Variants in DIDO1 observed in about 807,000 individuals in gnomAD.
DIDO1 encodes death inducer-obliterator 1.
In DIDO1, 16 loss-of-function variants were observed where a neutral mutation model predicts 99.4. The observed-to-expected ratio is 0.16, with a 90% CI of 0.11 to 0.24. DIDO1 has a LOEUF of 0.24. Ranked by LOEUF, DIDO1 falls within the 10% of genes least tolerant of loss-of-function variation. The probability of loss-of-function intolerance (pLI) is 1.00; values close to 1 mark genes in which losing one functional copy is unlikely to be tolerated. For synonymous variants in DIDO1, 1,366 were observed against 1,239.1 expected, an observed-to-expected ratio of 1.10 and a Z score of -2.15; for missense variants, 2,996 against 3,014.0, an observed-to-expected ratio of 0.99 and a Z score of 0.14.
chr20:62,905,316 G>A (rs2147469383), intron 6 of DIDO1: 4 of 1,422,030 alleles, frequency 2.8e-6, no homozygotes, highest in Non-Finnish European at 3.7e-6. Context: ...TCATGTGGGT[G>A]TGTAGCGTGT....
Position 62,880,623 on chromosome 20 carries a change from G to T in DIDO1, c.5333C>A (p.Ala1778Asp). 6.2e-7 allele frequency: 1 copy of T among 1,612,916 alleles called. No homozygotes were observed. Among genetic ancestry groups the T allele is most frequent in the South Asian group, 1.1e-5 (1 of 91,086 alleles). The change falls in exon 16 of 16, where the codon GCC (alanine) becomes GAC (aspartate). Residue 1778 changes from alanine to aspartate, a missense_variant. By Grantham distance (126) the Ala-to-Asp change is moderately radical. Around this residue, in one of 5 missense-constraint regions of DIDO1, gnomAD observed 1,562 missense variants for 1,412.6 expected, o/e 1.11. Coordinates refer to ENST00000395343, the MANE Select transcript of DIDO1 (RefSeq NM_001193369.2). ...GPNFPGPRGPAPPFPEENIAS... is the reference protein window; with the variant it reads ...GPNFPGPRGPDPPFPEENIAS... ...GATATTCTCTTCTGGAAACGGAGGGGCTGGCCCCCTTGGTCCCGGGAAATT... is the reference window on the plus strand; with the variant it reads ...GATATTCTCTTCTGGAAACGGAGGGTCTGGCCCCCTTGGTCCCGGGAAATT...
chr20:62,890,979 G>A lies in DIDO1; in HGVS notation c.3522C>T (p.Leu1174=), dbSNP rs202093729. The change falls in exon 15 of 16, where the codon CTC becomes CTT. Residue 1174 remains leucine, a synonymous_variant. Coordinates refer to ENST00000395343, the MANE Select transcript of DIDO1 (RefSeq NM_001193369.2). ...GCTTACCTGGTCCCTCAAAGGGCAA[G>A]AGTTTGGATGGAACAGGGTCCTGGG... ...LSAQDPVPSK[L]LPFEGPGLES... 8 of 1,614,148 alleles carry A rather than the reference G, an allele frequency of 5.0e-6. No individual in the cohort carries two copies. In the East Asian group the frequency reaches 1.8e-4, roughly 36 times the overall value.
At position 62,880,656 on chromosome 20, in the gene DIDO1, T is replaced by C. The variant is rs538368393; in HGVS notation, c.5300A>G (p.His1767Arg). 4.3e-6 allele frequency: 7 copies of C among 1,612,834 alleles called. No individual in the cohort carries two copies. Among genetic ancestry groups the C allele is most frequent in the Admixed American group, 1.7e-5 (1 of 60,030 alleles). The stretch of plus-strand genomic sequence containing the variant: ...CCTTGGTCCCGGGAAATTGGGGCCG[T>C]GAAGCCCTGACATCCCCAAAGCATG... ...GPHALGMSGL[H>R]GPNFPGPRGP... The change falls in exon 16 of 16, where the codon CAC becomes CGC. Residue 1767 changes from histidine (H) to arginine (R), a missense_variant. By Grantham distance (29) the His-to-Arg change is conservative. This residue lies in a region of DIDO1 where 1,562 missense variants were observed against 1,412.6 expected (regional missense o/e 1.11). Transcript: ENST00000395343.
At chr20:62,888,595 G>A (rs936759725) in intron 15 of DIDO1, 3 of 985,444 alleles carry the variant, frequency 3.0e-6, no homozygotes, top group Non-Finnish European at 3.6e-6. Context: ...GGGCTTCTGG[G>A]CTATCTCCGT....
chr20:62,889,554 G>C, intron 15 of DIDO1: 4 of 985,376 alleles, frequency 4.1e-6, no homozygotes, highest in Non-Finnish European at 4.8e-6. Context: ...TGTCTGCACT[G>C]AGTGCACACA....
At chr20:62,919,628 ATTG>A (rs2065099719) in intron 1 of DIDO1, among the ~76,000 whole-genome samples, 1 of 152,170 alleles carries the variant, frequency 6.6e-6, no homozygotes, top group African/African-American at 2.4e-5. Flanking sequence ...GAAACAACCT[ATTG>A]TTGTTTTACA....
chr20:62,898,135 A>G (rs2064579165), intron 6 of DIDO1, among the ~76,000 whole-genome samples: 1 of 152,170 alleles, frequency 6.6e-6, no homozygotes, highest in South Asian at 2.1e-4. Context: ...GGGACTGAAA[A>G]TCAAACCGCA....
intron 6 of DIDO1, chr20:62,905,060 T>A: frequency 1.0e-6 from 1 of 990,596 alleles, no homozygotes; most frequent in Non-Finnish European, 1.2e-6. Flanking sequence ...ACATTAAAAT[T>A]GCACCACAGA....
chr20:62,903,952 G>A (rs6122330), intron 6 of DIDO1, among the ~76,000 whole-genome samples: 1 of 152,174 alleles, frequency 6.6e-6, no homozygotes, highest in African/African-American at 2.4e-5. Context: ...GAGGCAGGCA[G>A]GAAGCAATAA....
chr20:62,911,617 A>G lies in DIDO1; in HGVS notation c.-2-3T>C, dbSNP rs367914567. ...CGGGTCGCCTTTGTCGTCCATACCT[A>G]GCGGTAAAGTGTAAGCACATAGTGA... On this transcript the variant is annotated splice_polypyrimidine_tract_variant and splice_region_variant and intron_variant, in intron 2 of 15. Transcript: ENST00000395343. The surrounding 1 kb of genome is among the most constrained non-coding windows in gnomAD (Gnocchi z 7.0). The G allele has an allele frequency of 1.5e-5, 23 of 1,556,340 alleles. No homozygotes were observed. Among genetic ancestry groups the G allele is most frequent in the Non-Finnish European group, 1.9e-5 (22 of 1,149,660 alleles).
At chr20:62,913,751 G>A (rs892978562) in intron 2 of DIDO1, among the ~76,000 whole-genome samples, 4 of 152,198 alleles carry the variant, frequency 2.6e-5, no homozygotes, top group East Asian at 3.8e-4. Flanking sequence ...GCCTCTGGGG[G>A]CCTATGAAGC....
intron 5 of DIDO1, 120 bp downstream of exon 5, chr20:62,907,027 A>G: frequency 1.0e-6 from 1 of 989,662 alleles, no homozygotes; most frequent in Non-Finnish European, 1.5e-6. Flanking sequence ...TCAAGGCGAC[A>G]CCACGTGTGC....
rs2064157605 is a variant in DIDO1 at position 62,879,439 on chromosome 20, G to A, written c.6517C>T (p.Arg2173Trp). 6 of 1,549,606 alleles carry A rather than the reference G, an allele frequency of 3.9e-6. No homozygotes were observed. Among genetic ancestry groups the A allele is most frequent in the Non-Finnish European group, 4.3e-6 (5 of 1,153,238 alleles). ...ADRGKEWDRS[R>W]ERSRNRERER... ...CGCTCTCGGTTCCTGCTCCGCTCCC[G>A]GCTGCGGTCCCACTCCTTGCCCCGG... Residue 2173 changes from arginine (R) to tryptophan (W), a missense_variant, in exon 16 of 16, where the codon CGG becomes TGG. Physicochemically the swap from Arg to Trp is moderately radical, Grantham distance 101 (BLOSUM62 -3). Transcript: ENST00000395343. The surrounding 1 kb of genome is among the most constrained non-coding windows in gnomAD (Gnocchi z 6.3).
chr20:62,903,010 T>C (rs956046786), intron 6 of DIDO1, among the ~76,000 whole-genome samples: 5 of 152,106 alleles, frequency 3.3e-5, no homozygotes, highest in Non-Finnish European at 7.3e-5. Context: ...ACTGACTTCA[T>C]GCCTCGACAA....
Position 62,881,607 on chromosome 20 carries a change from G to A in DIDO1, c.4349C>T (p.Ala1450Val). Residue 1450 changes from alanine to valine, a missense_variant, in exon 16 of 16, where the codon GCC becomes GTC. Transcript: ENST00000395343. This position sits in a 1 kb window ranked among gnomAD's most constrained non-coding sequence, Gnocchi z 8.3. ...CTCCACGGAGTTCCTTCTCACGTCG[G>A]CACACATCCTGTTGGGCAGGTCATC... ...TVDDLPNRMCADVRRNSVERP... is the reference protein window; with the variant it reads ...TVDDLPNRMCVDVRRNSVERP... 1 of 1,612,246 alleles carries A rather than the reference G, an allele frequency of 6.2e-7. No homozygotes were observed. Among genetic ancestry groups the A allele is most frequent in the Non-Finnish European group, 8.5e-7 (1 of 1,180,010 alleles).
chr20:62,926,913 G>A (rs574931770), upstream of DIDO1, among the ~76,000 whole-genome samples: 194 of 152,292 alleles, frequency 1.3e-3, no homozygotes, highest in Non-Finnish European at 1.9e-3. Flanking sequence ...TAGGGGGGCG[G>A]GGACAGGGGA....
At chr20:62,924,835 T>C (rs570148849) in intron 1 of DIDO1, among the ~76,000 whole-genome samples, 23 of 152,246 alleles carry the variant, frequency 1.5e-4, no homozygotes, top group African/African-American at 5.3e-4. Flanking sequence ...CTTGACATAG[T>C]CTGAATTCAA....
chr20:62,910,676 G>A (rs1012918016), intron 3 of DIDO1, 98 bp downstream of exon 3: 35 of 1,342,734 alleles, frequency 2.6e-5, no homozygotes, highest in Middle Eastern at 3.8e-4. Flanking sequence ...CCAACAAATC[G>A]CTCATCCAGC....
chr20:62,892,401 G>A (rs1238851067), intron 13 of DIDO1, among the ~76,000 whole-genome samples: 1 of 152,178 alleles, frequency 6.6e-6, no homozygotes, highest in Non-Finnish European at 1.5e-5. Context: ...ATAAATGCTA[G>A]TGCTGTCTTC....
Sources: allele counts gnomAD v4.1 joint callset (sites outside exome capture counted in the v4.1 genomes callset), GRCh38; gene constraint gnomAD v4.1.1; regional missense constraint gnomAD v4.1.1; non-coding constraint Gnocchi (gnomAD v3.1); transcripts MANE v1.5; gene names NCBI Gene and HGNC (gene_info 2026-07-23, HGNC 2026-07-21).